Variants in CHN2 observed in about 807,000 individuals in gnomAD.
CHN2 encodes chimerin 2, also known as beta-chimaerin.
In CHN2, 35 loss-of-function variants were observed where a neutral mutation model predicts 56.3. The ratio of observed to expected loss-of-function variants is 0.62; its 90% CI spans 0.47 to 0.82. The LOEUF (loss-of-function observed/expected upper bound fraction) is 0.82, where lower values mean the gene tolerates loss of function less well. CHN2 is among the 40% of genes least tolerant of loss of function. CHN2 has a pLI of 0.00. For missense variants in CHN2, 491 were observed against 580.5 expected, an observed-to-expected ratio of 0.85 and a Z score of 1.58; for synonymous variants, 210 against 212.8, an observed-to-expected ratio of 0.99 and a Z score of 0.12.
At chr7:29,459,886 A>G (rs1267071035) in intron 6 of CHN2, among the ~76,000 whole-genome samples, 1 of 152,186 alleles carries the variant, frequency 6.6e-6, no homozygotes, top group Non-Finnish European at 1.5e-5. Flanking sequence ...GAGGCAGAGA[A>G]GAGGAAAGAG....
At chr7:29,373,797 T>C (rs1192574928) in intron 3 of CHN2, among the ~76,000 whole-genome samples, 2 of 152,220 alleles carry the variant, frequency 1.3e-5, no homozygotes, top group African/African-American at 2.4e-5. Context: ...ACAGGCCATA[T>C]TGATTGACCA....
chr7:29,256,522 T>A (rs956514242), intron 1 of CHN2, among the ~76,000 whole-genome samples: 4 of 152,216 alleles, frequency 2.6e-5, no homozygotes, highest in Non-Finnish European at 5.9e-5. Context: ...AGCTTGCCTA[T>A]AGGTGATTTA....
chr7:29,235,393 G>T (rs1013575132), intron 1 of CHN2, among the ~76,000 whole-genome samples: 1 of 152,212 alleles, frequency 6.6e-6, no homozygotes, highest in Non-Finnish European at 1.5e-5. Flanking sequence ...CGAGATGCTT[G>T]TGAGGTATGA....
At chr7:29,276,261 A>G (rs1032389467) in intron 1 of CHN2, among the ~76,000 whole-genome samples, 17 of 152,170 alleles carry the variant, frequency 1.1e-4, no homozygotes, top group African/African-American at 3.6e-4. Context: ...GAGAATGTAG[A>G]AAAGAGGTGT....
chr7:29,354,700 T>A (rs765341355), intron 2 of CHN2, 37 bp downstream of exon 2: 1 of 1,593,394 alleles, frequency 6.3e-7, no homozygotes, highest in Non-Finnish European at 8.6e-7. Context: ...CAGAAGTCGT[T>A]AGCAGGCCAG....
chr7:29,190,011 G>A (rs1439411029), upstream of CHN2, among the ~76,000 whole-genome samples: 1 of 152,246 alleles, frequency 6.6e-6, no homozygotes, highest in Non-Finnish European at 1.5e-5. Flanking sequence ...GCTACCTGCG[G>A]CGTCTGAGCT....
intron 2 of CHN2, among the ~76,000 whole-genome samples, chr7:29,168,551 GT>G (rs1451236187): frequency 6.6e-6 from 1 of 152,046 alleles, no homozygotes; most frequent in Non-Finnish European, 1.5e-5. Context: ...ACATCCTATA[GT>G]TTCATCTGTG....
Position 29,339,168 on chromosome 7 carries a change from A to T in CHN2, c.50-15457A>T, listed in dbSNP as rs527943314. ...GTGGTCACTTCATGGAATCATTTTT[A>T]AAAAAGGAAGCTAAGAAATTTAACC... On this transcript the variant is annotated intron_variant, in intron 1 of 12. Coordinates refer to ENST00000222792, the MANE Select transcript of CHN2 (RefSeq NM_004067.4). Among the ~76,000 whole-genome samples the T allele has an allele frequency of 2.2e-3, 330 of 152,336 alleles. 2 individuals carry two copies. Among genetic ancestry groups the T allele is most frequent in the African/African-American group, 7.6e-3 (315 of 41,578 alleles).
chr7:29,341,140 G>A (rs1797025662), intron 1 of CHN2, among the ~76,000 whole-genome samples: 1 of 152,140 alleles, frequency 6.6e-6, no homozygotes, highest in African/African-American at 2.4e-5. Context: ...TCATCTTTCA[G>A]GTTCTTCTTG....
chr7:29,373,235 G>A (rs976561869), intron 3 of CHN2, among the ~76,000 whole-genome samples: 3 of 150,916 alleles, frequency 2.0e-5, no homozygotes, highest in Non-Finnish European at 4.4e-5. Context: ...GGAGTGCAGT[G>A]GCGCTATCTT....
chr7:29,387,168 C>T (rs1800977726), intron 3 of CHN2, among the ~76,000 whole-genome samples: 1 of 152,170 alleles, frequency 6.6e-6, no homozygotes, highest in African/African-American at 2.4e-5. Flanking sequence ...CTCTGCCTGG[C>T]ACAGAGTAGC....
intron 2 of CHN2, among the ~76,000 whole-genome samples, chr7:29,150,452 C>A (rs1464246071): frequency 2.0e-5 from 3 of 152,156 alleles, no homozygotes; most frequent in African/African-American, 7.2e-5. Flanking sequence ...TCCAAGACAA[C>A]TAAATTGTAT....
intron 1 of CHN2, among the ~76,000 whole-genome samples, chr7:29,238,396 T>C (rs71539596): frequency 0.14 from 21,451 of 152,158 alleles, 1,767 homozygotes; most frequent in Non-Finnish European, 0.19. Flanking sequence ...AGGCAGACCA[T>C]TAAATACTTT....
intron 7 of CHN2, among the ~76,000 whole-genome samples, chr7:29,493,407 C>CACACAA (rs1162274046): frequency 1.3e-5 from 2 of 152,148 alleles, no homozygotes; most frequent in African/African-American, 4.8e-5. Context: ...TTTGTTCATT[C>CACACAA]ACACAATTTT....
At chr7:29,213,967 G>A (rs886897745) in intron 1 of CHN2, among the ~76,000 whole-genome samples, 1 of 152,060 alleles carries the variant, frequency 6.6e-6, no homozygotes, top group South Asian at 2.1e-4. Flanking sequence ...AGTCTGATCA[G>A]CAGTGTCTTT....
intron 1 of CHN2, among the ~76,000 whole-genome samples, chr7:29,275,021 A>T (rs573365386): frequency 6.6e-6 from 1 of 152,162 alleles, no homozygotes; most frequent in South Asian, 2.1e-4. Flanking sequence ...GCTAAACCTA[A>T]CTGTAGCGTG....
intron 6 of CHN2, among the ~76,000 whole-genome samples, chr7:29,461,958 A>G (rs1307014085): frequency 6.6e-6 from 1 of 152,218 alleles, no homozygotes; most frequent in South Asian, 2.1e-4. Flanking sequence ...GTCATAAAAA[A>G]TACCTTTTTT....
At chr7:29,492,746 G>A (rs541796875) in intron 7 of CHN2, among the ~76,000 whole-genome samples, 1 of 152,280 alleles carries the variant, frequency 6.6e-6, no homozygotes, top group South Asian at 2.1e-4. Flanking sequence ...CAGTTCAGTT[G>A]AGTCTTACTT....
At chr7:29,402,555 G>A (rs1038538614) in intron 6 of CHN2, among the ~76,000 whole-genome samples, 1 of 152,200 alleles carries the variant, frequency 6.6e-6, no homozygotes, top group Non-Finnish European at 1.5e-5. Context: ...TCCCAGCCAT[G>A]ACAAATCAGA....
Sources: allele counts gnomAD v4.1 joint callset (sites outside exome capture counted in the v4.1 genomes callset), GRCh38; gene constraint gnomAD v4.1.1; transcripts MANE v1.5; gene names NCBI Gene and HGNC (gene_info 2026-07-23, HGNC 2026-07-21).